The following FYB1 variants were observed in gnomAD, a reference collection of about 807,000 sequenced individuals.
FYB1 encodes the protein FYN binding protein 1.
FYB1 carries 41 observed loss-of-function variants against 94.1 expected under a neutral mutation model. The ratio of observed to expected loss-of-function variants is 0.44; its 90% confidence interval spans 0.34 to 0.57. The LOEUF is 0.57. Among genes scored for constraint, FYB1 ranks in the 20% least tolerant of loss-of-function variants. The pLI, the probability that FYB1 is intolerant of heterozygous loss-of-function variation, is 0.02. For synonymous variants in FYB1, 367 were observed against 353.2 expected, an observed-to-expected ratio of 1.04 and a Z score of -0.44; for missense variants, 1,050 against 976.8, an observed-to-expected ratio of 1.07 and a Z score of -1.00.
chr5:39,124,616 G>A (rs368663931), intron 12 of FYB1, among the ~76,000 whole-genome samples: 3 of 151,994 alleles, frequency 2.0e-5, no homozygotes, highest in Non-Finnish European at 4.4e-5. Flanking sequence ...TAAATGAAAG[G>A]GACTCAGTAT....
intron 2 of FYB1, among the ~76,000 whole-genome samples, chr5:39,176,917 C>T (rs1745790237): frequency 6.6e-6 from 1 of 152,090 alleles, no homozygotes; most frequent in Non-Finnish European, 1.5e-5. Flanking sequence ...TAGGCAGGAG[C>T]AAAAACAGAA....
chr5:39,120,221 CAAT>C (rs1385304178), intron 14 of FYB1, among the ~76,000 whole-genome samples: 1 of 141,086 alleles, frequency 7.1e-6, no homozygotes, highest in Non-Finnish European at 1.5e-5. Flanking sequence ...ATCCCTTTAT[CAAT>C]TGTGTGTGTG....
At chr5:39,242,528 C>G (rs1441522592) in intron 1 of FYB1, among the ~76,000 whole-genome samples, 1 of 152,158 alleles carries the variant, frequency 6.6e-6, no homozygotes, top group Admixed American at 6.6e-5. Context: ...TTTTCTTAAT[C>G]CAATCTATCA....
chr5:39,184,125 T>C (rs1167376894), intron 2 of FYB1, among the ~76,000 whole-genome samples: 5 of 152,164 alleles, frequency 3.3e-5, no homozygotes, highest in Non-Finnish European at 7.4e-5. Context: ...AATTAAAAAT[T>C]AATTTTCTAG....
chr5:39,203,327 GA>G (rs1748548696), intron 1 of FYB1, among the ~76,000 whole-genome samples: 1 of 151,952 alleles, frequency 6.6e-6, no homozygotes, highest in African/African-American at 2.4e-5. Context: ...AGTTTCACTT[GA>G]AAAAATATGG....
intron 1 of FYB1, among the ~76,000 whole-genome samples, chr5:39,246,890 G>A (rs1751498906): frequency 6.6e-6 from 1 of 151,906 alleles, no homozygotes; most frequent in African/African-American, 2.4e-5. Flanking sequence ...TTTGGAGCCA[G>A]GCTGCCTGGG....
chr5:39,130,946 A>G (rs897857846), intron 9 of FYB1, among the ~76,000 whole-genome samples: 4 of 152,184 alleles, frequency 2.6e-5, no homozygotes, highest in African/African-American at 9.6e-5. Flanking sequence ...GACCATTAAA[A>G]CAAGCCCCAA....
chr5:39,126,063 A>G lies in FYB1; in HGVS notation c.1980T>C (p.Asp660=), dbSNP rs773585873. 1.4e-5 allele frequency: 22 copies of G among 1,613,310 alleles called. No individual in the cohort carries two copies. The highest frequency in any genetic ancestry group is 3.3e-5 in the Admixed American group (2 of 59,922). ...TCTCTCGTATACTTTTCTTTCTGTC[A>G]TCTTTTCCCTTTAACATCTTCAAAA... is the stretch of plus-strand genomic sequence containing the variant. ...WGILKMLKGK[D]DRKKSIREKP... Residue 660 remains aspartate, a synonymous_variant, in exon 12 of 19, where the codon GAT becomes GAC. Coordinates refer to ENST00000512982, the MANE Select transcript of FYB1 (RefSeq NM_001465.6).
intron 2 of FYB1, among the ~76,000 whole-genome samples, chr5:39,173,952 T>A (rs1026283711): frequency 2.0e-5 from 3 of 152,254 alleles, no homozygotes; most frequent in East Asian, 1.9e-4. Context: ...AGATGAATTT[T>A]AGAATAGATT....
intron 10 of FYB1, 68 bp downstream of exon 10, chr5:39,130,522 T>C: frequency 1.6e-6 from 2 of 1,237,170 alleles, no homozygotes; most frequent in Non-Finnish European, 2.3e-6. Flanking sequence ...ATAACACATG[T>C]GCTCCATAAA....
chr5:39,130,354 T>C lies in FYB1; in HGVS notation c.1840+236A>G, dbSNP rs528194511. 1.5e-4 allele frequency among the ~76,000 whole-genome samples: 23 copies of C among 151,940 alleles called. No homozygotes were observed. In the East Asian group the frequency reaches 4.2e-3, roughly 28 times the overall value. On this transcript the variant is annotated intron_variant, in intron 10 of 18. Coordinates refer to ENST00000512982, the MANE Select transcript of FYB1 (RefSeq NM_001465.6). ...TAAGTTCTAATGCTTAATAGTAGAG[T>C]AGGGTGACTATAATTAACAATAATA...
chr5:39,242,766 A>G (rs1411771533), intron 1 of FYB1, among the ~76,000 whole-genome samples: 1 of 152,100 alleles, frequency 6.6e-6, no homozygotes, highest in African/African-American at 2.4e-5. Context: ...ACAGTGTAAA[A>G]ATGTTCCTAT....
intron 1 of FYB1, among the ~76,000 whole-genome samples, chr5:39,268,627 C>T (rs563915033): frequency 1.3e-5 from 2 of 152,056 alleles, no homozygotes; most frequent in African/African-American, 2.4e-5. Context: ...AGTGCAATGG[C>T]GCGATCTCGG....
rs1428542571 is a variant in FYB1, at chr5:39,105,955, CTG to C, written c.*1486_*1487del. On this transcript the variant is annotated 3_prime_UTR_variant, in exon 19 of 19. Transcript: ENST00000512982. ...ACCTAATGGAAACCCCACTTCATCT[CTG>C]TGAAGATTTTCAGTTCCTTTACAGT... 1 of 152,096 alleles carries C rather than the reference CTG, an allele frequency of 6.6e-6. No individual in the cohort carries two copies. Among genetic ancestry groups the C allele is most frequent in the Non-Finnish European group, 1.5e-5 (1 of 68,018 alleles). The allele number at this position is 152,096 out of a possible 1,614,324, so 9.4% of individuals were successfully genotyped here.
intron 4 of FYB1, among the ~76,000 whole-genome samples, chr5:39,140,249 A>G (rs560407095): frequency 6.6e-6 from 1 of 152,314 alleles, no homozygotes; most frequent in Admixed American, 6.5e-5. Flanking sequence ...CATGACATTA[A>G]TGTCTGAAAT....
chr5:39,137,840 A>G (rs1561159614), intron 6 of FYB1, 120 bp from the exon 7 acceptor site: 20 of 1,350,552 alleles, frequency 1.5e-5, no homozygotes, highest in Non-Finnish European at 2.0e-5. Context: ...GTTGAAGGTA[A>G]AAAGCGAAAG....
intron 16 of FYB1, among the ~76,000 whole-genome samples, chr5:39,112,688 A>G (rs1475832595): frequency 1.3e-5 from 2 of 152,098 alleles, no homozygotes; most frequent in African/African-American, 2.4e-5. Context: ...AGTGCTTTAC[A>G]TGACCAAAGT....
intron 1 of FYB1, among the ~76,000 whole-genome samples, chr5:39,268,813 C>T (rs1752547852): frequency 6.6e-6 from 1 of 152,168 alleles, no homozygotes; most frequent in African/African-American, 2.4e-5. Flanking sequence ...GATCTGCCTG[C>T]CTCGGCCTCC....
chr5:39,223,632 C>T (rs2150558640), upstream of FYB1, among the ~76,000 whole-genome samples: 1 of 152,272 alleles, frequency 6.6e-6, no homozygotes, highest in Admixed American at 6.5e-5. Context: ...TTCCATTCCC[C>T]CATGCAAGAG....
Sources: gnomAD v4.1 joint callset for allele counts (sites outside exome capture counted in the v4.1 genomes callset) on GRCh38, gnomAD v4.1.1 for gene constraint, MANE v1.5 for transcripts, NCBI Gene and HGNC (gene_info 2026-07-23, HGNC 2026-07-21) for gene names.